The following TRANK1 variants were observed in gnomAD, a reference collection of about 807,000 sequenced individuals.
TRANK1 encodes the protein tetratricopeptide repeat and ankyrin repeat containing 1.
A neutral mutation model predicts 266.0 loss-of-function variants in TRANK1; 198 were observed. That is an observed-to-expected ratio of 0.74 (90% CI 0.66 to 0.84). The LOEUF (loss-of-function observed/expected upper bound fraction) is 0.84. TRANK1 is among the 40% of genes least tolerant of loss of function. The pLI, the probability that TRANK1 is intolerant of heterozygous loss-of-function variation, is 0.00. For missense variants in TRANK1, 3,326 were observed against 3,634.6 expected (o/e 0.92, Z 2.18); for synonymous variants, 1,396 against 1,384.1 (o/e 1.01, Z -0.19).
chr3:36,858,262 G>A (rs948425831), intron 12 of TRANK1, among the ~76,000 whole-genome samples: 2 of 152,138 alleles, frequency 1.3e-5, no homozygotes, highest in African/African-American at 4.8e-5. Context: ...ATTTTTTATT[G>A]TCACAGCTAG....
At position 36,892,280 on chromosome 3, in the gene TRANK1, G is replaced by A. The variant is rs1165561288; in HGVS notation, c.697C>T (p.Leu233Phe). 1 of 1,537,178 alleles carries A rather than the reference G, an allele frequency of 6.5e-7. No individual in the cohort carries two copies. The highest frequency in any genetic ancestry group is 8.7e-7 in the Non-Finnish European group (1 of 1,146,896). ...TCAACACTTGCACCAATGGAGATGA[G>A]CCACTGGACTAACTTGGGCACTTGT... Reference protein sequence around the residue: ...MEQVPKLVQWLISIGASVETI... With the variant: ...MEQVPKLVQWFISIGASVETI... Residue 233 changes from leucine (L) to phenylalanine (F), a missense_variant, in exon 7 of 24, where the codon CTC becomes TTC. Physicochemically the swap from Leu to Phe is conservative, Grantham distance 22 (BLOSUM62 0). Coordinates refer to ENST00000645898, the MANE Select transcript of TRANK1 (RefSeq NM_001329998.2).
chr3:36,890,534 C>T (rs1331177048), intron 7 of TRANK1, among the ~76,000 whole-genome samples: 1 of 152,124 alleles, frequency 6.6e-6, no homozygotes, highest in Non-Finnish European at 1.5e-5. Flanking sequence ...AACTCTCTGC[C>T]CAAGGGGCCA....
At chr3:36,913,298 G>A (rs528626086) in intron 1 of TRANK1, among the ~76,000 whole-genome samples, 106 of 151,980 alleles carry the variant, frequency 7.0e-4, no homozygotes, top group Admixed American at 2.1e-3. Flanking sequence ...TGATCCGGCC[G>A]CCTCGTGTCC....
At chr3:36,910,164 T>C (rs762146034) in intron 1 of TRANK1, among the ~76,000 whole-genome samples, 3 of 152,326 alleles carry the variant, frequency 2.0e-5, no homozygotes, top group Non-Finnish European at 4.4e-5. Context: ...AAGTAATTGC[T>C]ACTAAATATA....
chr3:36,849,495 T>C (rs551956698), intron 15 of TRANK1, among the ~76,000 whole-genome samples: 1 of 152,226 alleles, frequency 6.6e-6, no homozygotes, highest in African/African-American at 2.4e-5. Flanking sequence ...ACAAGCCCCA[T>C]ACCCCTCAAC....
At position 36,903,167 on chromosome 3, in the gene TRANK1, C is replaced by T. The variant is rs1383060037; in HGVS notation, c.264G>A (p.Trp88Ter). ...CCCATACCTTCACGTAGGTTGGATC[C>T]CATTGGAGACATTCCTTGGCAGCAA... ...AFVAAKECLQ[W>*]DPTYVKGYYR... Residue 88 changes from tryptophan to a stop codon, truncating the protein, a stop_gained, in exon 3 of 24, where the codon TGG (tryptophan) becomes TGA (stop). Coordinates refer to ENST00000645898, the MANE Select transcript of TRANK1 (RefSeq NM_001329998.2). LOFTEE classifies it high-confidence loss of function. 4 of 1,537,322 alleles carry T rather than the reference C, an allele frequency of 2.6e-6. No individual in the cohort carries two copies. Among genetic ancestry groups the T allele is most frequent in the Non-Finnish European group, 3.5e-6 (4 of 1,146,916 alleles).
chr3:36,833,385 G>A lies in TRANK1; in HGVS notation c.6198C>T (p.Leu2066=). ...LNHSAGVVEA[L]YEAASQCEAE... is the part of the protein sequence containing the mutation. ...CCTCACACTGGCTGGCTGCTTCGTA[G>A]AGTGCTTCCACCACTCCAGCTGAGT... is the stretch of plus-strand genomic sequence containing the variant. The change falls in exon 22 of 24, where the codon CTC becomes CTT. Residue 2066 remains leucine (L), a synonymous_variant. Transcript: ENST00000645898. 2.5e-6 allele frequency: 4 copies of A among 1,613,880 alleles called. No individual in the cohort carries two copies. Among genetic ancestry groups the A allele is most frequent in the Non-Finnish European group, 3.4e-6 (4 of 1,179,832 alleles).
intron 7 of TRANK1, among the ~76,000 whole-genome samples, chr3:36,890,433 T>C (rs535457882): frequency 6.6e-6 from 1 of 152,202 alleles, no homozygotes; most frequent in African/African-American, 2.4e-5. Context: ...TGAATCCCCA[T>C]GTCAGTCAAT....
At position 36,857,853 on chromosome 3, in the gene TRANK1, CA is replaced by C. The variant is rs1559433571; in HGVS notation, c.1868del (p.Leu623ArgfsTer27). The C allele has an allele frequency of 6.2e-7, 1 of 1,613,672 alleles. No individual in the cohort carries two copies. Among genetic ancestry groups the C allele is most frequent in the Non-Finnish European group, 8.5e-7 (1 of 1,179,870 alleles). ...LLVKFDINFN[L>X]KNKEGKDARH... ...GTGCATCTTTGCCCTCTTTGTTCTTCAGATTGAAGTTGATGTCAAACTTCAC... is the reference window on the plus strand; with the variant it reads ...GTGCATCTTTGCCCTCTTTGTTCTTCGATTGAAGTTGATGTCAAACTTCAC... On this transcript the variant is annotated frameshift_variant, in exon 13 of 24. Coordinates refer to ENST00000645898, the MANE Select transcript of TRANK1 (RefSeq NM_001329998.2). LOFTEE classifies it high-confidence loss of function. The surrounding 1 kb of genome is among the most constrained non-coding windows in gnomAD (Gnocchi z 4.3).
chr3:36,880,864 A>C, intron 8 of TRANK1: 1 of 148,372 alleles, frequency 6.7e-6, no homozygotes, highest in Non-Finnish European at 1.5e-5. Context: ...AGCATTAGGT[A>C]TATCACCTAA....
intron 8 of TRANK1, among the ~76,000 whole-genome samples, chr3:36,883,457 A>G (rs1559451977): frequency 1.4e-5 from 2 of 144,706 alleles, no homozygotes; most frequent in African/African-American, 5.2e-5. Context: ...AAAAAAAAAA[A>G]AACGCAGAGA....
chr3:36,944,935 G>T lies in TRANK1; in HGVS notation c.-126C>A, dbSNP rs1037243296. ...GAGCCCGGGGCAGGGGCGGCGCGAT[G>T]CAGAGGCGGCGTTCGGGGGCCCCCA... On this transcript the variant is annotated 5_prime_UTR_variant, in exon 1 of 24. Transcript: ENST00000645898. The T allele has an allele frequency of 1.9e-6, 2 of 1,029,922 alleles. No individual in the cohort carries two copies. The highest frequency in any genetic ancestry group is 1.3e-6 in the Non-Finnish European group (1 of 774,566). The allele number at this position is 1,029,922 out of a possible 1,614,324, so 63.8% of individuals were successfully genotyped here. A position where few individuals can be genotyped will look rare whatever the true frequency, so the allele number is the denominator to read the frequency against.
chr3:36,850,489 C>T, intron 15 of TRANK1: 1 of 985,088 alleles, frequency 1.0e-6, no homozygotes, highest in Non-Finnish European at 1.2e-6. Flanking sequence ...GCTTTATCTA[C>T]AGATAAAGGT....
chr3:36,846,423 A>T lies in TRANK1; in HGVS notation c.5035-19T>A, dbSNP rs1348963438. 6.2e-7 allele frequency: 1 copy of T among 1,600,402 alleles called. No homozygotes were observed. Among genetic ancestry groups the T allele is most frequent in the South Asian group, 1.1e-5 (1 of 89,440 alleles). The stretch of plus-strand genomic sequence containing the variant: ...TGAGGAGCTAAAGATAACATTGAGG[A>T]CAAAGATGATGAGCCATTTGTCTAT... On this transcript the variant is annotated intron_variant, in intron 16 of 23. Transcript: ENST00000645898.
intron 1 of TRANK1, among the ~76,000 whole-genome samples, chr3:36,933,531 G>A (rs753658124): frequency 4.6e-5 from 7 of 152,232 alleles, no homozygotes; most frequent in Non-Finnish European, 7.3e-5. Context: ...CACCAGAGGT[G>A]AAACCCAGGC....
intron 10 of TRANK1, 123 bp downstream of exon 10, chr3:36,864,196 A>G (rs2079182027): frequency 8.9e-7 from 1 of 1,123,444 alleles, no homozygotes; most frequent in East Asian, 2.7e-5. Context: ...GTGCTGTCTG[A>G]ATGTTTTACA....
At chr3:36,928,664 A>G (rs934207385) in intron 1 of TRANK1, among the ~76,000 whole-genome samples, 13 of 152,222 alleles carry the variant, frequency 8.5e-5, no homozygotes, top group African/African-American at 3.1e-4. Context: ...AACCAAGGTA[A>G]TAAGAAGAAC....
At chr3:36,870,460 T>C (rs895041378) in intron 9 of TRANK1, among the ~76,000 whole-genome samples, 12 of 151,578 alleles carry the variant, frequency 7.9e-5, no homozygotes, top group African/African-American at 2.9e-4. Context: ...CTAGAATACT[T>C]TGGGAAATAT....
chr3:36,892,852 C>CATATATATATATATATATATATATAT, intron 6 of TRANK1, 49 bp downstream of exon 6: 1 of 580,930 alleles, frequency 1.7e-6, no homozygotes, highest in Non-Finnish European at 2.3e-6. Context: ...CAAAACAAAA[C>CATATATATATATATATATATATATAT]ATATATATAT....
Sources: gnomAD v4.1 joint callset for allele counts (sites outside exome capture counted in the v4.1 genomes callset) on GRCh38, gnomAD v4.1.1 for gene constraint, Gnocchi (gnomAD v3.1) non-coding constraint, MANE v1.5 for transcripts, NCBI Gene and HGNC (gene_info 2026-07-23, HGNC 2026-07-21) for gene names.